Variants in TMPRSS11E observed in about 807,000 individuals in gnomAD.
TMPRSS11E encodes transmembrane protease serine 11E.
TMPRSS11E carries 38 observed loss-of-function variants against 48.1 expected under a neutral mutation model. That is an observed-to-expected ratio of 0.79 (90% CI 0.61 to 1.04). The LOEUF (loss-of-function observed/expected upper bound fraction) is 1.04. Among genes scored for constraint, TMPRSS11E ranks in the 50% least tolerant of loss-of-function variants. The pLI is 0.00. For synonymous variants in TMPRSS11E, 158 were observed against 171.9 expected (o/e 0.92, Z 0.63); for missense variants, 530 against 510.8 (o/e 1.04, Z -0.36).
At chr4:68,468,743 C>T in intron 3 of TMPRSS11E, 136 bp from the exon 4 acceptor site, 5 of 720,552 alleles carry the variant, frequency 6.9e-6, no homozygotes, top group Non-Finnish European at 1.0e-5. Flanking sequence ...CTCAAGCTTC[C>T]TCAGTTCCAC....
At chr4:68,493,257 C>T (rs1262188697) in intron 9 of TMPRSS11E, among the ~76,000 whole-genome samples, 1 of 152,040 alleles carries the variant, frequency 6.6e-6, no homozygotes, top group African/African-American at 2.4e-5. Flanking sequence ...ATCCCCTCAT[C>T]CCCTTTCCCT....
chr4:68,474,429 A>G (rs1729154692), intron 5 of TMPRSS11E, among the ~76,000 whole-genome samples: 1 of 152,088 alleles, frequency 6.6e-6, no homozygotes, highest in Non-Finnish European at 1.5e-5. Flanking sequence ...ATAAAATCCA[A>G]ATTCTTGGGC....
In TMPRSS11E at chr4:68,452,399, G is replaced by A. The variant is rs139470752; in HGVS notation, c.11+4876G>A. 3.2e-4 allele frequency among the ~76,000 whole-genome samples: 48 copies of A among 152,020 alleles called. 1 individual carries two copies. The East Asian group carries it at 8.5e-3, about 27-fold the overall frequency. On this transcript the variant is annotated intron_variant, in intron 1 of 9. Coordinates refer to ENST00000305363, the MANE Select transcript of TMPRSS11E (RefSeq NM_014058.4). ...CGTAACAATAAAAATATTATTTGAC[G>A]TAAATATGCTACATATGTAATTTCA...
chr4:68,471,154 G>A (rs1345621424), intron 4 of TMPRSS11E, among the ~76,000 whole-genome samples: 1 of 151,828 alleles, frequency 6.6e-6, no homozygotes, highest in Admixed American at 6.6e-5. Context: ...AACATTTATG[G>A]ATGTATTTTA....
At chr4:68,472,351 T>C (rs1729097565) in intron 5 of TMPRSS11E, among the ~76,000 whole-genome samples, 1 of 152,050 alleles carries the variant, frequency 6.6e-6, no homozygotes, top group Admixed American at 6.6e-5. Flanking sequence ...GTAAAATTAA[T>C]TTTCAATAAT....
intron 4 of TMPRSS11E, among the ~76,000 whole-genome samples, chr4:68,470,722 A>G (rs1410761831): frequency 6.6e-6 from 1 of 151,862 alleles, no homozygotes; most frequent in East Asian, 1.9e-4. Flanking sequence ...GACTATGAAA[A>G]GGAGTGGGTA....
rs561923887 is a variant in TMPRSS11E, at chr4:68,491,475, A to G, written c.1111-5168A>G. Among the ~76,000 whole-genome samples the G allele has an allele frequency of 1.2e-4, 19 of 152,132 alleles. No homozygotes were observed. The South Asian group carries it at 3.7e-3, about 30-fold the overall frequency. ...TTGTTTTAGCCATATTTAGCTGGGG[A>G]AAAAAGAATAAGTAAGTCTGTCCCA... On this transcript the variant is annotated intron_variant, in intron 9 of 9. Coordinates refer to ENST00000305363, the MANE Select transcript of TMPRSS11E (RefSeq NM_014058.4).
At chr4:68,454,269 A>G (rs1047916530) in intron 1 of TMPRSS11E, among the ~76,000 whole-genome samples, 3 of 151,944 alleles carry the variant, frequency 2.0e-5, no homozygotes, top group African/African-American at 7.2e-5. Flanking sequence ...TCATCAGTAT[A>G]TAGATATGAA....
chr4:68,457,454 G>A (rs1430459453), intron 1 of TMPRSS11E, among the ~76,000 whole-genome samples: 2 of 152,142 alleles, frequency 1.3e-5, no homozygotes, highest in East Asian at 1.9e-4. Context: ...TGGTGGGAGT[G>A]TAAATTAGTT....
At chr4:68,493,000 T>C (rs1393733559) in intron 9 of TMPRSS11E, among the ~76,000 whole-genome samples, 1 of 152,214 alleles carries the variant, frequency 6.6e-6, no homozygotes, top group African/African-American at 2.4e-5. Context: ...ACATTTATGA[T>C]CATCCATTAT....
At chr4:68,470,610 T>C (rs1729039544) in intron 4 of TMPRSS11E, among the ~76,000 whole-genome samples, 1 of 151,908 alleles carries the variant, frequency 6.6e-6, no homozygotes, top group Non-Finnish European at 1.5e-5. Flanking sequence ...TTATAATAGA[T>C]AACACTGCCA....
chr4:68,466,628 T>C lies in TMPRSS11E; in HGVS notation c.137-3T>C, dbSNP rs1476629512. ...TGATAGTGTTTTGCTTCTTTCCTTGTAGATCAAAAGAAGACCTACAATTAC... is the reference window on the plus strand; with the variant it reads ...TGATAGTGTTTTGCTTCTTTCCTTGCAGATCAAAAGAAGACCTACAATTAC... On this transcript the variant is annotated splice_region_variant and splice_polypyrimidine_tract_variant and intron_variant, in intron 2 of 9. Transcript: ENST00000305363. 2.5e-6 allele frequency: 4 copies of C among 1,611,354 alleles called. No homozygotes were observed. The highest frequency in any genetic ancestry group is 3.4e-6 in the Non-Finnish European group (4 of 1,178,852).
intron 1 of TMPRSS11E, among the ~76,000 whole-genome samples, chr4:68,458,904 A>G (rs74649984): frequency 6.6e-6 from 1 of 152,082 alleles, no homozygotes. Flanking sequence ...TATTTGTACA[A>G]TGATTTTTCC....
Position 68,461,842 on chromosome 4 carries a change from G to A in TMPRSS11E, c.33G>A (p.Arg11=). 6.2e-7 allele frequency: 1 copy of A among 1,614,186 alleles called. No homozygotes were observed. Among genetic ancestry groups the A allele is most frequent in the Non-Finnish European group, 8.5e-7 (1 of 1,180,012 alleles). The change falls in exon 2 of 10, where the codon AGG becomes AGA. Residue 11 remains arginine (R), a synonymous_variant. Transcript: ENST00000305363. Reference sequence around the variant, plus strand: ...TTAGGCCAGATGTGGTGAGGGCTAGGAAAAGAGTTTGTTGGGAACCCTGGG... The same window carrying A: ...TTAGGCCAGATGTGGTGAGGGCTAGAAAAAGAGTTTGTTGGGAACCCTGGG... The part of the protein sequence containing the change: MMYRPDVVRA[R]KRVCWEPWVI...
intron 1 of TMPRSS11E, among the ~76,000 whole-genome samples, chr4:68,460,513 G>A (rs2109671288): frequency 6.6e-6 from 1 of 152,244 alleles, no homozygotes; most frequent in Middle Eastern, 3.4e-3. Context: ...TGAAAGGGCT[G>A]CACTTAGAAT....
At chr4:68,458,296 A>G (rs1003018669) in intron 1 of TMPRSS11E, among the ~76,000 whole-genome samples, 5 of 152,164 alleles carry the variant, frequency 3.3e-5, no homozygotes, top group African/African-American at 1.2e-4. Context: ...ATTAATAAGC[A>G]ATAATAATAA....
intron 4 of TMPRSS11E, 78 bp downstream of exon 4, chr4:68,469,024 G>C (rs1384938503): frequency 3.5e-6 from 4 of 1,130,890 alleles, no homozygotes; most frequent in Admixed American, 1.9e-5. Context: ...ATGTTTTCAA[G>C]TGTTAAAGAT....
chr4:68,482,421 A>G (rs1729430341), intron 9 of TMPRSS11E, among the ~76,000 whole-genome samples: 1 of 151,918 alleles, frequency 6.6e-6, no homozygotes, highest in Non-Finnish European at 1.5e-5. Context: ...CCTTCCTAAC[A>G]GTCCCCAAAA....
chr4:68,493,855 A>G (rs1451166822), intron 9 of TMPRSS11E, among the ~76,000 whole-genome samples: 2 of 152,050 alleles, frequency 1.3e-5, no homozygotes, highest in Non-Finnish European at 2.9e-5. Context: ...TTATATTTTA[A>G]TATCACAAAA....
Sources: gnomAD v4.1 joint callset for allele counts (sites outside exome capture counted in the v4.1 genomes callset) on GRCh38, gnomAD v4.1.1 for gene constraint, MANE v1.5 for transcripts, NCBI Gene and HGNC (gene_info 2026-07-23, HGNC 2026-07-21) for gene names.